The following AGMO variants were observed in gnomAD, a reference collection of about 807,000 sequenced individuals.
AGMO encodes glyceryl-ether monooxygenase.
AGMO carries 75 observed loss-of-function variants against 60.2 expected under a neutral mutation model. The ratio of observed to expected loss-of-function variants is 1.25; its 90% CI spans 1.03 to 1.51. The LOEUF is 1.51. AGMO is among the 40% of genes most tolerant of loss of function. The pLI, the probability that AGMO is intolerant of heterozygous loss-of-function variation, is 0.00. For synonymous variants in AGMO, 261 were observed against 177.1 expected (o/e 1.47, Z -3.76); for missense variants, 763 against 525.5 (o/e 1.45, Z -4.42).
At chr7:15,486,150 G>T (rs921451545) in intron 3 of AGMO, among the ~76,000 whole-genome samples, 4 of 152,054 alleles carry the variant, frequency 2.6e-5, no homozygotes, top group South Asian at 2.1e-4. Flanking sequence ...ACTGTACAGA[G>T]GTGTTGCTAT....
chr7:15,314,387 C>T (rs1780853541), intron 12 of AGMO, among the ~76,000 whole-genome samples: 1 of 151,988 alleles, frequency 6.6e-6, no homozygotes, highest in African/African-American at 2.4e-5. Flanking sequence ...TGTTCAGTAA[C>T]AGGAAAATAG....
At chr7:15,305,382 T>C (rs4543432) in intron 12 of AGMO, among the ~76,000 whole-genome samples, 2,326 of 152,128 alleles carry the variant, frequency 0.015, 65 homozygotes, top group African/African-American at 0.054. Context: ...TTGGCACTTA[T>C]TGTGAGCAAT....
At chr7:15,306,191 C>A (rs561029643) in intron 12 of AGMO, 98 of 207,022 alleles carry the variant, frequency 4.7e-4, no homozygotes, top group Admixed American at 2.8e-3. Context: ...TAAATGGAAT[C>A]AAAACTTTGA....
At chr7:15,492,403 C>T (rs1783090727) in intron 3 of AGMO, among the ~76,000 whole-genome samples, 3 of 150,820 alleles carry the variant, frequency 2.0e-5, no homozygotes, top group Admixed American at 2.0e-4. Context: ...AATCATTAGC[C>T]ATAAAGAACG....
intron 12 of AGMO, among the ~76,000 whole-genome samples, chr7:15,257,433 A>G (rs1469607154): frequency 6.6e-6 from 1 of 152,138 alleles, no homozygotes; most frequent in Non-Finnish European, 1.5e-5. Context: ...TAAGAATGAG[A>G]TATTTATTAT....
chr7:15,483,516 C>T (rs111486061), intron 3 of AGMO, among the ~76,000 whole-genome samples: 4,637 of 152,000 alleles, frequency 0.031, 231 homozygotes, highest in African/African-American at 0.1. Context: ...CAGTGAGCCG[C>T]GATAGATCGT....
chr7:15,268,362 C>T (rs537264775), intron 12 of AGMO, among the ~76,000 whole-genome samples: 5 of 152,056 alleles, frequency 3.3e-5, no homozygotes, highest in Admixed American at 6.6e-5. Context: ...TACCTCTTCC[C>T]GCATCTCATA....
At chr7:15,183,887 A>G in the AGMO span, among the ~76,000 whole-genome samples, 3 of 152,220 alleles carry the variant, frequency 2.0e-5, no homozygotes, top group Non-Finnish European at 4.4e-5. Context: ...AATTTTAATA[A>G]TTGTGGTTTG....
At chr7:15,322,483 TATAA>T (rs1442659348) in intron 12 of AGMO, among the ~76,000 whole-genome samples, 2 of 94,764 alleles carry the variant, frequency 2.1e-5, no homozygotes, top group Non-Finnish European at 3.8e-5. Context: ...TAAATATATA[TATAA>T]ATATATATAA....
chr7:15,373,226 TGA>T (rs1783298550), intron 10 of AGMO, among the ~76,000 whole-genome samples: 1 of 151,464 alleles, frequency 6.6e-6, no homozygotes, highest in Non-Finnish European at 1.5e-5. Flanking sequence ...TTCAGTGAGC[TGA>T]GATGGCACCA....
At chr7:15,207,627 A>G (rs771545905) in intron 12 of AGMO, among the ~76,000 whole-genome samples, 2 of 152,236 alleles carry the variant, frequency 1.3e-5, no homozygotes, top group African/African-American at 4.8e-5. Flanking sequence ...GGTCAGGTAC[A>G]TAGACACTAG....
chr7:15,272,846 T>C (rs1301057322), intron 12 of AGMO, among the ~76,000 whole-genome samples: 3 of 152,204 alleles, frequency 2.0e-5, no homozygotes, highest in Non-Finnish European at 4.4e-5. Context: ...TGTGAGATGG[T>C]ATCTCATTGT....
At chr7:15,425,366 GTAA>G (rs1446937376) in intron 4 of AGMO, among the ~76,000 whole-genome samples, 1 of 151,618 alleles carries the variant, frequency 6.6e-6, no homozygotes, top group Non-Finnish European at 1.5e-5. Context: ...ATATGATAAT[GTAA>G]TAATGTTATT....
At chr7:15,512,548 C>T (rs766250937) in intron 3 of AGMO, among the ~76,000 whole-genome samples, 9 of 152,264 alleles carry the variant, frequency 5.9e-5, no homozygotes, top group Admixed American at 1.3e-4. Context: ...CCACTATGCC[C>T]GGCCTAAAGT....
rs201502047 is a variant in AGMO, at chr7:15,288,851, T to TA, written c.1263+76662dup. Among the ~76,000 whole-genome samples, 35 of 141,678 alleles carry TA rather than the reference T, an allele frequency of 2.5e-4. 1 individual carries two copies. The highest frequency in any genetic ancestry group is 8.5e-4 in the Admixed American group (12 of 14,146). 92.9% of individuals were successfully genotyped at this position (141,678 alleles called of 152,430 possible). A position where few individuals can be genotyped will look rare whatever the true frequency, so the allele number is the denominator to read the frequency against. On this transcript the variant is annotated intron_variant, in intron 12 of 12. Transcript: ENST00000342526. Reference sequence around the variant, plus strand: ...CAGAGGGCTTTAAAAAAATAAAAAATAAAAAAAAAAAAAATATATATACAC... The same window carrying TA: ...CAGAGGGCTTTAAAAAAATAAAAAATAAAAAAAAAAAAAAATATATATACAC...
chr7:15,370,270 T>C (rs1156430420), intron 10 of AGMO, among the ~76,000 whole-genome samples: 2 of 152,220 alleles, frequency 1.3e-5, no homozygotes, highest in African/African-American at 2.4e-5. Flanking sequence ...ATGGTATATA[T>C]GTAACACGTT....
At chr7:15,397,230 G>T (rs1448378604) in intron 5 of AGMO, among the ~76,000 whole-genome samples, 2 of 152,160 alleles carry the variant, frequency 1.3e-5, no homozygotes, top group Non-Finnish European at 2.9e-5. Flanking sequence ...CCGCGAAGAG[G>T]GAACGGCGGT....
chr7:15,276,428 T>G (rs181325018), intron 12 of AGMO, among the ~76,000 whole-genome samples: 100 of 152,282 alleles, frequency 6.6e-4, no homozygotes, highest in African/African-American at 2.2e-3. Context: ...ATTTACATTA[T>G]AGGTGATTTG....
At chr7:15,285,069 G>T (rs112820734) in intron 12 of AGMO, among the ~76,000 whole-genome samples, 7 of 150,572 alleles carry the variant, frequency 4.6e-5, no homozygotes, top group African/African-American at 1.7e-4. Context: ...GCCATAGTAG[G>T]GGCATACCTC....
Sources: allele counts gnomAD v4.1 joint callset (sites outside exome capture counted in the v4.1 genomes callset), GRCh38; gene constraint gnomAD v4.1.1; transcripts MANE v1.5; gene names NCBI Gene and HGNC (gene_info 2026-07-23, HGNC 2026-07-21).